The following CAMKMT variants were observed in gnomAD, a reference collection of about 807,000 sequenced individuals.
CAMKMT encodes the protein calmodulin-lysine N-methyltransferase.
CAMKMT carries 53 observed loss-of-function variants against 48.0 expected under a neutral mutation model. That is an observed-to-expected ratio of 1.10 (90% confidence interval 0.89 to 1.39). The LOEUF (loss-of-function observed/expected upper bound fraction) is 1.39, where lower values mean the gene tolerates loss of function less well. CAMKMT is among the 40% of genes most tolerant of loss of function. The pLI, the probability that CAMKMT is intolerant of heterozygous loss-of-function variation, is 0.00. For missense variants in CAMKMT, 428 were observed against 402.7 expected (o/e 1.06, Z -0.54); for synonymous variants, 165 against 152.3 (o/e 1.08, Z -0.61).
intron 3 of CAMKMT, among the ~76,000 whole-genome samples, chr2:44,574,025 C>G (rs1669067750): frequency 6.6e-6 from 1 of 152,092 alleles, no homozygotes; most frequent in Non-Finnish European, 1.5e-5. Flanking sequence ...TTTATTCTTC[C>G]AGATGAACGT....
intron 3 of CAMKMT, among the ~76,000 whole-genome samples, chr2:44,508,533 A>C (rs528422886): frequency 4.6e-5 from 7 of 151,972 alleles, no homozygotes; most frequent in African/African-American, 1.7e-4. Flanking sequence ...ACATCCTACA[A>C]GAGACCATTG....
chr2:44,692,150 A>G (rs1025543608), intron 3 of CAMKMT, among the ~76,000 whole-genome samples: 4 of 152,204 alleles, frequency 2.6e-5, no homozygotes, highest in Admixed American at 2.0e-4. Context: ...ATGAGGAATA[A>G]TAATATCCCT....
In CAMKMT at chr2:44,706,310, G is replaced by A; in HGVS notation, c.461G>A (p.Gly154Glu). 4 of 1,613,304 alleles carry A rather than the reference G, an allele frequency of 2.5e-6. No individual in the cohort carries two copies. The highest frequency in any genetic ancestry group is 3.4e-6 in the Non-Finnish European group (4 of 1,179,510). Residue 154 changes from glycine (G) to glutamate (E), a missense_variant, in exon 5 of 11, where the codon GGG becomes GAG. Physicochemically the swap from Gly to Glu is moderately conservative, Grantham distance 98. Coordinates refer to ENST00000378494, the MANE Select transcript of CAMKMT (RefSeq NM_024766.5). ...IFRALAVCEL[G>E]GGMTCLAGLM... is the part of the protein sequence containing the mutation. ...AGGGCCCTTGCTGTGTGTGAGCTAG[G>A]GGGTGGCATGACATGCTTGGCTGGG...
chr2:44,741,476 C>A (rs1372324355), intron 7 of CAMKMT, among the ~76,000 whole-genome samples: 10 of 152,202 alleles, frequency 6.6e-5, no homozygotes, highest in Admixed American at 2.6e-4. Flanking sequence ...CTAGTGTTAT[C>A]CCCATCTTAC....
intron 3 of CAMKMT, among the ~76,000 whole-genome samples, chr2:44,691,079 T>C (rs1304304926): frequency 1.3e-5 from 2 of 152,222 alleles, no homozygotes; most frequent in African/African-American, 4.8e-5. Context: ...GAGTAGGTAG[T>C]ATTATTACTT....
chr2:44,525,673 C>T (rs567984275), intron 3 of CAMKMT, among the ~76,000 whole-genome samples: 6 of 152,084 alleles, frequency 3.9e-5, no homozygotes, highest in Non-Finnish European at 8.8e-5. Flanking sequence ...TTCTTTTCAT[C>T]ATCTTATTAG....
At chr2:44,524,215 G>A (rs1474931166) in intron 3 of CAMKMT, among the ~76,000 whole-genome samples, 1 of 151,940 alleles carries the variant, frequency 6.6e-6, no homozygotes, top group Non-Finnish European at 1.5e-5. Flanking sequence ...TAAGGGATGG[G>A]GACATAGAAT....
At position 44,483,626 on chromosome 2, in the gene CAMKMT, A is replaced by G. The variant is rs556810961; in HGVS notation, c.376+93321A>G. ...TTAAGAAATTAAAGGACAAGAACATATGAAGGCCATCATGTAGCTCAAGGT... is the reference window on the plus strand; with the variant it reads ...TTAAGAAATTAAAGGACAAGAACATGTGAAGGCCATCATGTAGCTCAAGGT... On this transcript the variant is annotated intron_variant, in intron 3 of 10. Coordinates refer to ENST00000378494, the MANE Select transcript of CAMKMT (RefSeq NM_024766.5). Among the ~76,000 whole-genome samples the G allele has an allele frequency of 3.8e-3, 572 of 152,286 alleles. 2 individuals carry two copies. Among genetic ancestry groups the G allele is most frequent in the African/African-American group, 0.013 (544 of 41,590 alleles).
chr2:44,635,935 C>T (rs1673103552), intron 3 of CAMKMT, among the ~76,000 whole-genome samples: 1 of 152,168 alleles, frequency 6.6e-6, no homozygotes, highest in Non-Finnish European at 1.5e-5. Context: ...TCACAGCAAA[C>T]AATCCAACTG....
At chr2:44,567,977 C>T (rs1668704635) in intron 3 of CAMKMT, among the ~76,000 whole-genome samples, 1 of 146,666 alleles carries the variant, frequency 6.8e-6, no homozygotes. Flanking sequence ...TACTGGGGAC[C>T]AAGGTTAATT....
At chr2:44,732,418 G>A (rs372168837) in intron 7 of CAMKMT, among the ~76,000 whole-genome samples, 1 of 152,232 alleles carries the variant, frequency 6.6e-6, no homozygotes, top group South Asian at 2.1e-4. Flanking sequence ...TGGTGTCAGT[G>A]TAATTACAAG....
intron 3 of CAMKMT, among the ~76,000 whole-genome samples, chr2:44,593,166 C>T (rs1207140350): frequency 1.3e-5 from 2 of 152,160 alleles, no homozygotes; most frequent in African/African-American, 4.8e-5. Context: ...TTTTCCACAC[C>T]ACTGAGGCAA....
intron 3 of CAMKMT, among the ~76,000 whole-genome samples, chr2:44,597,719 T>G (rs372339389): frequency 2.0e-5 from 3 of 152,186 alleles, no homozygotes; most frequent in Admixed American, 2.0e-4. Context: ...ATATGCTTCC[T>G]TATTATTTTT....
At chr2:44,648,778 T>C (rs1268506032) in intron 3 of CAMKMT, among the ~76,000 whole-genome samples, 1 of 152,194 alleles carries the variant, frequency 6.6e-6, no homozygotes, top group Non-Finnish European at 1.5e-5. Flanking sequence ...GAAGTTAGCG[T>C]TGCTTCATAA....
chr2:44,574,308 A>G (rs1252524751), intron 3 of CAMKMT, among the ~76,000 whole-genome samples: 1 of 152,114 alleles, frequency 6.6e-6, no homozygotes, highest in Non-Finnish European at 1.5e-5. Flanking sequence ...TAGGGTAGGT[A>G]TGTTGAATAA....
chr2:44,375,505 T>G (rs1226938385), intron 2 of CAMKMT, among the ~76,000 whole-genome samples: 1 of 152,134 alleles, frequency 6.6e-6, no homozygotes, highest in African/African-American at 2.4e-5. Context: ...CACCAGGCTG[T>G]GCATAAGTAC....
chr2:44,606,538 G>A (rs1053158432), intron 3 of CAMKMT, among the ~76,000 whole-genome samples: 10 of 151,956 alleles, frequency 6.6e-5, no homozygotes, highest in African/African-American at 2.4e-4. Context: ...AGTGAAATGA[G>A]GAAAAAGAAG....
chr2:44,731,328 A>T (rs1243871825), intron 7 of CAMKMT, among the ~76,000 whole-genome samples: 2 of 152,174 alleles, frequency 1.3e-5, no homozygotes, highest in Non-Finnish European at 2.9e-5. Context: ...GTGACAGAGC[A>T]AGACTCTGTC....
intron 3 of CAMKMT, among the ~76,000 whole-genome samples, chr2:44,608,195 C>A (rs1375511404): frequency 6.6e-6 from 1 of 151,540 alleles, no homozygotes; most frequent in Non-Finnish European, 1.5e-5. Context: ...GCCTCAGCCT[C>A]CCAAGTAGCT....
Sources: allele counts gnomAD v4.1 joint callset (sites outside exome capture counted in the v4.1 genomes callset), GRCh38; gene constraint gnomAD v4.1.1; transcripts MANE v1.5; gene names NCBI Gene and HGNC (gene_info 2026-07-23, HGNC 2026-07-21).